Variants in ZNF438 observed in about 807,000 individuals in gnomAD.
The protein encoded by ZNF438 is zinc finger protein 438.
A neutral mutation model predicts 38.0 loss-of-function variants in ZNF438; 25 were observed. The ratio of observed to expected loss-of-function variants is 0.66; its 90% CI spans 0.48 to 0.92. The LOEUF is 0.92. Ranked by LOEUF, ZNF438 falls within the 40% of genes least tolerant of loss-of-function variation. The pLI, the probability that ZNF438 is intolerant of heterozygous loss-of-function variation, is 0.00. For missense variants in ZNF438, 1,007 were observed against 999.6 expected, an observed-to-expected ratio of 1.01 and a Z score of -0.10; for synonymous variants, 372 against 364.1, an observed-to-expected ratio of 1.02 and a Z score of -0.25.
chr10:30,859,578 G>C (rs571753163), intron 4 of ZNF438, among the ~76,000 whole-genome samples: 33 of 152,318 alleles, frequency 2.2e-4, no homozygotes, highest in African/African-American at 7.0e-4. Context: ...TCCTGGCTCT[G>C]TCATGTACCT....
intron 3 of ZNF438, among the ~76,000 whole-genome samples, chr10:30,901,017 A>T (rs1488051049): frequency 1.3e-5 from 2 of 152,216 alleles, no homozygotes; most frequent in African/African-American, 4.8e-5. Context: ...GACTGTCCTG[A>T]TTCTCCTAAT....
intron 1 of ZNF438, among the ~76,000 whole-genome samples, chr10:31,002,139 C>T (rs1433639559): frequency 2.0e-5 from 3 of 152,178 alleles, no homozygotes; most frequent in Admixed American, 2.0e-4. Context: ...TCCTTAAAGC[C>T]TCTCCAGAAT....
At chr10:30,989,024 G>A (rs1019701812) in intron 1 of ZNF438, among the ~76,000 whole-genome samples, 6 of 152,110 alleles carry the variant, frequency 3.9e-5, no homozygotes, top group African/African-American at 1.4e-4. Flanking sequence ...TAAGATAAAA[G>A]TTACCTGAAA....
At chr10:30,952,455 T>A (rs1415074115) in intron 1 of ZNF438, among the ~76,000 whole-genome samples, 1 of 151,634 alleles carries the variant, frequency 6.6e-6, no homozygotes, top group Non-Finnish European at 1.5e-5. Flanking sequence ...ACCATCAGAG[T>A]GAACAGGCAA....
chr10:30,901,666 C>A (rs1170456989), intron 3 of ZNF438, among the ~76,000 whole-genome samples: 1 of 151,776 alleles, frequency 6.6e-6, no homozygotes, highest in Admixed American at 6.6e-5. Context: ...ATGGTCTCAC[C>A]GCTCGGCGAT....
At chr10:30,948,014 C>A (rs1047138765) in intron 1 of ZNF438, among the ~76,000 whole-genome samples, 9 of 148,592 alleles carry the variant, frequency 6.1e-5, no homozygotes, top group Non-Finnish European at 1.0e-4. Context: ...GGAGCTGTTC[C>A]TATTCGGCCA....
In ZNF438 at chr10:30,872,425, C is replaced by CAAAAAAAAAAAAAAAAAAAAAAA. The variant is rs566401687; in HGVS notation, c.37+4550_37+4572dup. On this transcript the variant is annotated intron_variant, in intron 4 of 5. Transcript: ENST00000413025. Reference sequence around the variant, plus strand: ...TGGGTGACAGAACAAGACTCTGTCTCAAAAAAAAAAAAAAAAAAAAAAAAA... The same window carrying CAAAAAAAAAAAAAAAAAAAAAAA: ...TGGGTGACAGAACAAGACTCTGTCTCAAAAAAAAAAAAAAAAAAAAAAAAAAAAAAAAAAAAAAAAAAAAAAAA... Among the ~76,000 whole-genome samples the CAAAAAAAAAAAAAAAAAAAAAAA allele has an allele frequency of 3.4e-5, 2 of 58,698 alleles. 1 individual carries two copies. Among genetic ancestry groups the CAAAAAAAAAAAAAAAAAAAAAAA allele is most frequent in the Non-Finnish European group, 6.5e-5 (2 of 30,562 alleles). 38.5% of individuals were successfully genotyped at this position (58,698 alleles called of 152,430 possible).
chr10:31,021,392 G>T (rs1041615454), intron 1 of ZNF438, among the ~76,000 whole-genome samples: 4 of 151,670 alleles, frequency 2.6e-5, no homozygotes, highest in African/African-American at 9.7e-5. Flanking sequence ...AGATAGTACA[G>T]TAGTTCTTTA....
intron 3 of ZNF438, among the ~76,000 whole-genome samples, chr10:30,880,682 A>AATCC (rs1487775099): frequency 6.6e-6 from 1 of 152,110 alleles, no homozygotes; most frequent in East Asian, 1.9e-4. Flanking sequence ...AAACCAGACA[A>AATCC]ATCCAGACAT....
chr10:30,848,093 A>G (rs1477301935), intron 5 of ZNF438, among the ~76,000 whole-genome samples: 1 of 152,236 alleles, frequency 6.6e-6, no homozygotes, highest in Non-Finnish European at 1.5e-5. Context: ...TGACACCAGA[A>G]AGAGTGAACC....
At chr10:30,904,276 A>C (rs1242156780) in intron 3 of ZNF438, among the ~76,000 whole-genome samples, 2 of 152,248 alleles carry the variant, frequency 1.3e-5, no homozygotes, top group Non-Finnish European at 2.9e-5. Context: ...TCTCTGGCTT[A>C]GAAACAGCCC....
At chr10:30,900,308 C>G (rs538674362) in intron 3 of ZNF438, among the ~76,000 whole-genome samples, 1 of 152,108 alleles carries the variant, frequency 6.6e-6, no homozygotes, top group African/African-American at 2.4e-5. Flanking sequence ...GTTTGCTAAT[C>G]CCTACTCTAA....
intron 4 of ZNF438, among the ~76,000 whole-genome samples, chr10:30,872,226 G>A (rs1424448732): frequency 6.6e-6 from 1 of 151,662 alleles, no homozygotes; most frequent in Non-Finnish European, 1.5e-5. Context: ...TTAAATTCAA[G>A]ATCAGTCTGG....
chr10:30,953,298 T>C (rs1185915193), intron 1 of ZNF438, among the ~76,000 whole-genome samples: 2 of 152,104 alleles, frequency 1.3e-5, no homozygotes, highest in Admixed American at 6.5e-5. Context: ...ATATACCTAA[T>C]GCTAGATGAC....
chr10:30,924,179 T>C (rs2044640724), intron 2 of ZNF438, among the ~76,000 whole-genome samples: 1 of 152,202 alleles, frequency 6.6e-6, no homozygotes, highest in African/African-American at 2.4e-5. Context: ...ATATTGTTAC[T>C]GAAACACCAG....
intron 1 of ZNF438, among the ~76,000 whole-genome samples, chr10:31,020,703 T>G (rs1174898990): frequency 2.7e-5 from 2 of 75,394 alleles, no homozygotes; most frequent in African/African-American, 1.5e-4. Context: ...GATAACAGTG[T>G]TTGAATATCT....
intron 2 of ZNF438, among the ~76,000 whole-genome samples, chr10:30,922,907 A>C (rs2044481497): frequency 6.6e-6 from 1 of 152,210 alleles, no homozygotes; most frequent in South Asian, 2.1e-4. Context: ...TGGAATTAAT[A>C]ATATTTTAAA....
chr10:30,959,507 G>C (rs915242999), intron 1 of ZNF438, among the ~76,000 whole-genome samples: 4 of 144,768 alleles, frequency 2.8e-5, no homozygotes, highest in African/African-American at 9.8e-5. Flanking sequence ...GGAAGGCCGA[G>C]GTGGGCGGAT....
intron 1 of ZNF438, among the ~76,000 whole-genome samples, chr10:31,012,335 G>C (rs924855672): frequency 6.6e-5 from 10 of 151,944 alleles, no homozygotes; most frequent in African/African-American, 2.4e-4. Context: ...GTGTTAGCCA[G>C]GATGGTCTCG....
Sources: allele counts gnomAD v4.1 joint callset (sites outside exome capture counted in the v4.1 genomes callset), GRCh38; gene constraint gnomAD v4.1.1; transcripts MANE v1.5; gene names NCBI Gene and HGNC (gene_info 2026-07-23, HGNC 2026-07-21).